Variants in METTL2A observed in about 807,000 individuals in gnomAD.
METTL2A encodes tRNA N(3)-cytidine methyltransferase METTL2A.
Under a neutral mutation model 49.4 loss-of-function variants are expected in METTL2A, and 45 were observed. That is an observed-to-expected ratio of 0.91 (90% CI 0.72 to 1.17). The LOEUF is 1.17. Ranked by LOEUF, METTL2A falls within the 50% of genes most tolerant of loss-of-function variation. METTL2A has a pLI of 0.00. For synonymous variants in METTL2A, 118 were observed against 167.5 expected, an observed-to-expected ratio of 0.70 and a Z score of 2.28; for missense variants, 361 against 462.2, an observed-to-expected ratio of 0.78 and a Z score of 2.01.
rs770593240 is a variant in METTL2A, at chr17:62,435,284, C to G, written c.661C>G (p.Leu221Val). 3.7e-6 allele frequency: 6 copies of G among 1,613,920 alleles called. No individual in the cohort carries two copies. The highest frequency in any genetic ancestry group is 5.1e-6 in the Non-Finnish European group (6 of 1,179,864). Residue 221 changes from leucine to valine, a missense_variant, in exon 5 of 9, where the codon CTG becomes GTG. Physicochemically the swap from Leu to Val is conservative, Grantham distance 32. Transcript: ENST00000311506. ...CCDFSSTAIELVQTNSEYDPS... is the reference protein window; with the variant it reads ...CCDFSSTAIEVVQTNSEYDPS... ...TGATTTTTCTTCCACAGCTATAGAA[C>G]TGGTCCAGGTGAGTACAATGGGAAA...
At chr17:62,425,404 T>TTTTTTTTTG (rs57567604) in intron 2 of METTL2A, among the ~76,000 whole-genome samples, 1 of 143,518 alleles carries the variant, frequency 7.0e-6, no homozygotes, top group Non-Finnish European at 1.5e-5. Context: ...TTTTTTTTTT[T>TTTTTTTTTG]GGAGATGGAG....
rs1194444301 is a variant in METTL2A, at chr17:62,449,665, G to A, written c.*936G>A. 6.0e-5 allele frequency: 14 copies of A among 233,072 alleles called. No individual in the cohort carries two copies. Among genetic ancestry groups the A allele is most frequent in the Non-Finnish European group, 1.0e-4 (12 of 116,192 alleles). 14.4% of individuals were successfully genotyped at this position (233,072 alleles called of 1,614,324 possible). A position where few individuals can be genotyped will look rare whatever the true frequency, so the allele number is the denominator to read the frequency against. On this transcript the variant is annotated 3_prime_UTR_variant, in exon 9 of 9. Coordinates refer to ENST00000311506, the MANE Select transcript of METTL2A (RefSeq NM_181725.4). ...GCAGAGGTTGCAGTGAGCTGAGATT[G>A]TGCCACTGCACTCCAGCCTGGGCAA...
chr17:62,436,222 A>G (rs1396239534), intron 5 of METTL2A, among the ~76,000 whole-genome samples: 1 of 151,992 alleles, frequency 6.6e-6, no homozygotes, highest in Non-Finnish European at 1.5e-5. Context: ...CAGCTAGACA[A>G]CAGAGTGAGA....
chr17:62,435,040 C>T (rs2070691332), intron 4 of METTL2A, 192 bp from the exon 5 acceptor site: 1 of 751,210 alleles, frequency 1.3e-6, no homozygotes. Context: ...TAGCTATGTC[C>T]ACAGAGCCTC....
At chr17:62,434,362 G>T (rs2070686502) in intron 4 of METTL2A, among the ~76,000 whole-genome samples, 1 of 152,116 alleles carries the variant, frequency 6.6e-6, no homozygotes, top group African/African-American at 2.4e-5. Flanking sequence ...CAACAGTTCA[G>T]CAGGAAGCAG....
chr17:62,431,458 ACCCT>A (rs1021628412), intron 4 of METTL2A, among the ~76,000 whole-genome samples: 1 of 149,282 alleles, frequency 6.7e-6, no homozygotes, highest in Non-Finnish European at 1.5e-5. Context: ...GGTTCAGGTG[ACCCT>A]CCCACCTCAG....
intron 8 of METTL2A, 89 bp from the exon 9 acceptor site, chr17:62,448,486 C>A: frequency 6.5e-7 from 1 of 1,532,698 alleles, no homozygotes; most frequent in South Asian, 1.3e-5. Flanking sequence ...CAGCAACTTC[C>A]CAGAGCCCCT....
At position 62,447,584 on chromosome 17, in the gene METTL2A, C is replaced by T. The variant is rs191919274; in HGVS notation, c.917-117C>T. 3.1e-4 allele frequency: 330 copies of T among 1,059,146 alleles called. No individual in the cohort carries two copies. In the African/African-American group the frequency reaches 4.6e-3, roughly 15 times the overall value. 65.6% of individuals were successfully genotyped at this position (1,059,146 alleles called of 1,614,324 possible). ...TCCTGTTGAGCTGCTCTTCCCGAAG[C>T]ACTGAGGCAGGAGTGCTCTCCACCC... On this transcript the variant is annotated intron_variant, in intron 7 of 8. Coordinates refer to ENST00000311506, the MANE Select transcript of METTL2A (RefSeq NM_181725.4).
At chr17:62,430,856 A>T (rs2070659975) in intron 4 of METTL2A, among the ~76,000 whole-genome samples, 1 of 145,388 alleles carries the variant, frequency 6.9e-6, no homozygotes, top group African/African-American at 2.6e-5. Context: ...TTTTTGTATT[A>T]TTGATTGATT....
chr17:62,444,101 C>G (rs1273184544), intron 6 of METTL2A, among the ~76,000 whole-genome samples: 4 of 152,134 alleles, frequency 2.6e-5, no homozygotes, highest in Non-Finnish European at 4.4e-5. Flanking sequence ...ATTTAACAAA[C>G]AGAAAGATAC....
intron 4 of METTL2A, among the ~76,000 whole-genome samples, chr17:62,432,198 A>G (rs1368102729): frequency 2.0e-5 from 3 of 152,196 alleles, no homozygotes; most frequent in Non-Finnish European, 4.4e-5. Flanking sequence ...ACAAATCTAT[A>G]TAGCTTTATC....
intron 6 of METTL2A, among the ~76,000 whole-genome samples, chr17:62,444,600 C>A (rs2070756783): frequency 6.6e-6 from 1 of 152,142 alleles, no homozygotes; most frequent in Admixed American, 6.6e-5. Flanking sequence ...AACTTTCTTA[C>A]GGCAGAAGCG....
intron 5 of METTL2A, among the ~76,000 whole-genome samples, chr17:62,435,653 T>C (rs2070695644): frequency 6.6e-6 from 1 of 152,192 alleles, no homozygotes; most frequent in Non-Finnish European, 1.5e-5. Flanking sequence ...ATGTTACTGT[T>C]GTACTTGGTT....
In METTL2A at chr17:62,426,445, T is replaced by A. The variant is rs781567892; in HGVS notation, c.349T>A (p.Leu117Met). The A allele has an allele frequency of 1.2e-6, 2 of 1,614,054 alleles. No homozygotes were observed. The highest frequency in any genetic ancestry group is 2.7e-5 in the African/African-American group (2 of 74,926). Residue 117 changes from leucine (L) to methionine (M), a missense_variant, in exon 3 of 9, where the codon TTG (leucine) becomes ATG (methionine). Leu to Met is a conservative substitution (Grantham distance 15, BLOSUM62 2). Around this residue, in one of 3 missense-constraint regions of METTL2A, gnomAD observed 150 missense variants for 170.1 expected, o/e 0.88. Transcript: ENST00000311506. ...TCAAAATCATTTGAAGGACTGGTTC[T>A]TGGAGAACAAGAGTGAAGTACCTGA... ...QNQNHLKDWFLENKSEVPECR... is the reference protein window; with the variant it reads ...QNQNHLKDWFMENKSEVPECR...
chr17:62,438,339 A>C (rs903784502), intron 5 of METTL2A, among the ~76,000 whole-genome samples: 44 of 151,224 alleles, frequency 2.9e-4, no homozygotes, highest in African/African-American at 1.1e-3. Context: ...TCTGGGAGGC[A>C]GAGGTTGTAG....
intron 2 of METTL2A, 58 bp from the exon 3 acceptor site, chr17:62,426,241 A>G: frequency 2.0e-6 from 3 of 1,465,492 alleles, no homozygotes; most frequent in Non-Finnish European, 2.8e-6. Flanking sequence ...AATTGATATT[A>G]GATATAAATA....
chr17:62,429,052 C>T (rs1233395834), intron 4 of METTL2A, among the ~76,000 whole-genome samples: 3 of 152,136 alleles, frequency 2.0e-5, no homozygotes, highest in Non-Finnish European at 4.4e-5. Context: ...TCCCAAAGTG[C>T]TGGAATTACA....
intron 5 of METTL2A, among the ~76,000 whole-genome samples, chr17:62,436,817 G>A (rs1380585673): frequency 3.9e-5 from 6 of 152,134 alleles, no homozygotes; most frequent in East Asian, 1.9e-4. Context: ...CGTAGCATGC[G>A]ATGCTGATAG....
chr17:62,441,030 T>C (rs1221825815), intron 6 of METTL2A, among the ~76,000 whole-genome samples: 1 of 152,218 alleles, frequency 6.6e-6, no homozygotes, highest in Non-Finnish European at 1.5e-5. Flanking sequence ...GGTCTTGAAT[T>C]CCTGGGCTCA....
Sources: allele counts gnomAD v4.1 joint callset (sites outside exome capture counted in the v4.1 genomes callset), GRCh38; gene constraint gnomAD v4.1.1; regional missense constraint gnomAD v4.1.1; transcripts MANE v1.5; gene names NCBI Gene and HGNC (gene_info 2026-07-23, HGNC 2026-07-21).